Variants in GKN2 observed in about 807,000 individuals in gnomAD.
GKN2 encodes gastrokine-2.
In GKN2, 17 loss-of-function variants were observed where a neutral mutation model predicts 22.7. The ratio of observed to expected loss-of-function variants is 0.75; its 90% CI spans 0.51 to 1.13. GKN2 has a LOEUF of 1.13. GKN2 is among the 50% of genes most tolerant of loss of function. GKN2 has a pLI of 0.00. For synonymous variants in GKN2, 82 were observed against 79.6 expected (o/e 1.03, Z -0.16); for missense variants, 248 against 221.4 (o/e 1.12, Z -0.76).
chr2:68,952,852 G>A lies in GKN2; in HGVS notation c.10C>T (p.Leu4Phe), dbSNP rs752781443. The change falls in exon 1 of 6, where the codon CTT becomes TTT. Residue 4 changes from leucine to phenylalanine, a missense_variant and splice_region_variant. Coordinates refer to ENST00000328895, the MANE Select transcript of GKN2 (RefSeq NM_182536.3). MKI[L>F]VAFLVVLTIF... ...AAGAAGCAGAAACAAATACTCACAA[G>A]TATTTTCATTTTGCCTGGGAGAGGA... 40 of 1,613,780 alleles carry A rather than the reference G, an allele frequency of 2.5e-5. No individual in the cohort carries two copies. In the South Asian group the frequency reaches 3.8e-4, roughly 16 times the overall value.
intron 4 of GKN2, 29 bp downstream of exon 4, chr2:68,947,116 CAG>C: frequency 7.4e-7 from 1 of 1,351,962 alleles, no homozygotes. Context: ...GGCTTAAGAA[CAG>C]AGAATACTCA....
chr2:68,949,809 G>C (rs942705363), intron 3 of GKN2, among the ~76,000 whole-genome samples: 1 of 152,104 alleles, frequency 6.6e-6, no homozygotes, highest in Non-Finnish European at 1.5e-5. Context: ...TCTGCATGCC[G>C]GGCTTTGCTT....
Position 68,947,146 on chromosome 2 carries a change from C to A in GKN2, c.315+1G>T, listed in dbSNP as rs767303983. 4.4e-6 allele frequency: 7 copies of A among 1,580,000 alleles called. No individual in the cohort carries two copies. Among genetic ancestry groups the A allele is most frequent in the Admixed American group, 1.7e-5 (1 of 59,994 alleles). On this transcript the variant is annotated splice_donor_variant, in intron 4 of 5. Transcript: ENST00000328895. LOFTEE classifies it high-confidence loss of function. ...AATACTCAAGAGTGCCCCAGAATTA[C>A]CTGTTTCTCATAGATGTACCATTGG...
intron 5 of GKN2, chr2:68,945,958 C>A (rs765352170): frequency 2.8e-4 from 92 of 333,940 alleles, no homozygotes; most frequent in Admixed American, 7.6e-4. Context: ...TCAAAATATG[C>A]TATTCTAAGG....
At chr2:68,950,340 G>A in intron 2 of GKN2, 77 bp from the exon 3 acceptor site, 1 of 1,385,806 alleles carries the variant, frequency 7.2e-7, no homozygotes, top group Non-Finnish European at 9.9e-7. Flanking sequence ...ACAAAATAAA[G>A]CAGCTGCCTG....
intron 3 of GKN2, among the ~76,000 whole-genome samples, chr2:68,947,650 G>T (rs1669789774): frequency 6.6e-6 from 1 of 152,018 alleles, no homozygotes; most frequent in African/African-American, 2.4e-5. Context: ...GAGTGCAGTG[G>T]TGCAACCTCA....
chr2:68,950,074 T>C (rs1018321138), intron 3 of GKN2, 52 bp downstream of exon 3: 10 of 1,544,578 alleles, frequency 6.5e-6, no homozygotes, highest in Middle Eastern at 1.7e-4. Context: ...TAGATCCCTC[T>C]GCTCTTTAGC....
intron 1 of GKN2, among the ~76,000 whole-genome samples, chr2:68,952,110 T>C (rs1251811977): frequency 3.9e-5 from 6 of 152,152 alleles, no homozygotes; most frequent in Non-Finnish European, 1.5e-5. Flanking sequence ...CCACTGTCCA[T>C]GGGGCACTGC....
intron 3 of GKN2, among the ~76,000 whole-genome samples, chr2:68,949,558 C>A (rs762429489): frequency 5.9e-5 from 9 of 151,796 alleles, no homozygotes; most frequent in Admixed American, 1.3e-4. Flanking sequence ...TAGGTGGGAC[C>A]ACAGGCCCGC....
intron 3 of GKN2, among the ~76,000 whole-genome samples, chr2:68,949,316 C>T (rs1236496987): frequency 2.6e-5 from 4 of 152,108 alleles, no homozygotes; most frequent in African/African-American, 4.8e-5. Flanking sequence ...TGATTTTTTG[C>T]CTACCCTATG....
chr2:68,947,097 G>T, intron 4 of GKN2, 50 bp downstream of exon 4: 2 of 1,102,296 alleles, frequency 1.8e-6, no homozygotes, highest in Non-Finnish European at 2.8e-6. Flanking sequence ...ATAAATACCA[G>T]TATTGCCTGG....
At chr2:68,947,290 C>A in intron 3 of GKN2, 33 bp from the exon 4 acceptor site, 1 of 1,363,904 alleles carries the variant, frequency 7.3e-7, no homozygotes, top group Non-Finnish European at 1.1e-6. Flanking sequence ...ACTGTTCCTC[C>A]CTAGTTCCCT....
At chr2:68,952,123 T>C (rs10175379) in intron 1 of GKN2, among the ~76,000 whole-genome samples, 18,383 of 152,158 alleles carry the variant, frequency 0.12, 3,677 homozygotes, top group African/African-American at 0.42. Context: ...GGCACTGCAA[T>C]GTGGAACTAC....
intron 3 of GKN2, among the ~76,000 whole-genome samples, chr2:68,948,254 AAC>A (rs1553423230): frequency 2.0e-5 from 1 of 49,508 alleles, no homozygotes; most frequent in Non-Finnish European, 4.6e-5. Flanking sequence ...AAAAAAAAAA[AAC>A]AAAAAAAAAA....
chr2:68,948,248 A>T (rs986185195), intron 3 of GKN2, among the ~76,000 whole-genome samples: 1 of 49,396 alleles, frequency 2.0e-5, no homozygotes, highest in South Asian at 4.0e-4. Flanking sequence ...TCCGTCAAAA[A>T]AAAAAAACAA....
chr2:68,945,792 G>T (rs1028191079), intron 5 of GKN2: 1 of 227,758 alleles, frequency 4.4e-6, no homozygotes, highest in Non-Finnish European at 8.6e-6. Flanking sequence ...TAGAAACTTT[G>T]TATAAAAATG....
rs1417191005 is a variant in GKN2 at position 68,945,356 on chromosome 2, G to C, written c.*12C>G. ...ATTTCTTTGAAAAGATAAAACAAGA[G>C]GGCTAATCATCCTAAACATGAATGT... On this transcript the variant is annotated 3_prime_UTR_variant, in exon 6 of 6. Coordinates refer to ENST00000328895, the MANE Select transcript of GKN2 (RefSeq NM_182536.3). 1 of 1,564,078 alleles carries C rather than the reference G, an allele frequency of 6.4e-7. No homozygotes were observed. Among genetic ancestry groups the C allele is most frequent in the Admixed American group, 1.7e-5 (1 of 58,278 alleles).
chr2:68,951,449 C>A (rs1465807380), intron 1 of GKN2, among the ~76,000 whole-genome samples: 1 of 152,210 alleles, frequency 6.6e-6, no homozygotes, highest in African/African-American at 2.4e-5. Flanking sequence ...AACATGCTAA[C>A]CCAGGTTTTG....
Position 68,946,389 on chromosome 2 carries a change from G to A in GKN2, c.387C>T (p.Asp129=), listed in dbSNP as rs766539836. Residue 129 remains aspartate, a synonymous_variant, in exon 5 of 6, where the codon GAC becomes GAT. Coordinates refer to ENST00000328895, the MANE Select transcript of GKN2 (RefSeq NM_182536.3). ...GTGACCCAAGCAGGAACCAATCCAC[G>A]TCTTTGATCAGAGACTCCAGAGGGT... ...KYNPLESLIK[D]VDWFLLGSPI... 1.1e-5 allele frequency: 17 copies of A among 1,613,764 alleles called. No individual in the cohort carries two copies. Among genetic ancestry groups the A allele is most frequent in the South Asian group, 2.2e-5 (2 of 91,034 alleles).
Sources: allele counts gnomAD v4.1 joint callset (sites outside exome capture counted in the v4.1 genomes callset), GRCh38; gene constraint gnomAD v4.1.1; transcripts MANE v1.5; gene names NCBI Gene and HGNC (gene_info 2026-07-23, HGNC 2026-07-21).